KCNIP4: variants seen among roughly 807,000 people sequenced by gnomAD.
KCNIP4 encodes potassium voltage-gated channel interacting protein 4.
A neutral mutation model predicts 34.0 loss-of-function variants in KCNIP4; 12 were observed. The ratio of observed to expected loss-of-function variants is 0.35; its 90% confidence interval spans 0.23 to 0.57. The LOEUF is 0.57. KCNIP4 is among the 20% of genes least tolerant of loss of function. The pLI is 0.83. For synonymous variants in KCNIP4, 124 were observed against 102.2 expected, an observed-to-expected ratio of 1.21 and a Z score of -1.29; for missense variants, 238 against 311.7, an observed-to-expected ratio of 0.76 and a Z score of 1.78.
chr4:21,878,942 CACTT>C (rs1326391315), intron 1 of KCNIP4, among the ~76,000 whole-genome samples: 1 of 152,142 alleles, frequency 6.6e-6, no homozygotes, highest in Non-Finnish European at 1.5e-5. Flanking sequence ...GCAATACTTT[CACTT>C]ACTTATGATG....
chr4:20,846,598 C>A (rs1342486462), intron 3 of KCNIP4, among the ~76,000 whole-genome samples: 2 of 152,030 alleles, frequency 1.3e-5, no homozygotes, highest in African/African-American at 4.8e-5. Flanking sequence ...AACATCATCC[C>A]AGTTAACTGA....
intron 1 of KCNIP4, among the ~76,000 whole-genome samples, chr4:21,869,391 A>T (rs1332333192): frequency 6.6e-6 from 1 of 152,098 alleles, no homozygotes; most frequent in Non-Finnish European, 1.5e-5. Flanking sequence ...TCCAAAACAA[A>T]ACCGAATCTA....
intron 1 of KCNIP4, among the ~76,000 whole-genome samples, chr4:21,695,793 C>G (rs570653507): frequency 6.6e-6 from 1 of 152,062 alleles, no homozygotes; most frequent in Non-Finnish European, 1.5e-5. Context: ...CCATGGAAAC[C>G]TCATGGAAAG....
chr4:21,343,910 C>T (rs981177265), intron 1 of KCNIP4, among the ~76,000 whole-genome samples: 4 of 152,020 alleles, frequency 2.6e-5, no homozygotes, highest in Non-Finnish European at 4.4e-5. Context: ...AACCACACTC[C>T]GAGGTAGATG....
chr4:21,723,942 C>T (rs1344617019), intron 1 of KCNIP4, among the ~76,000 whole-genome samples: 2 of 152,024 alleles, frequency 1.3e-5, no homozygotes, highest in Non-Finnish European at 2.9e-5. Flanking sequence ...GCACATTCCT[C>T]AGCCAATTTT....
intron 1 of KCNIP4, among the ~76,000 whole-genome samples, chr4:21,804,306 A>G (rs1721172354): frequency 6.6e-6 from 1 of 152,180 alleles, no homozygotes; most frequent in Non-Finnish European, 1.5e-5. Context: ...TTTGTTTGTG[A>G]TCAGACATGA....
chr4:21,141,751 A>C (rs1751968176), intron 1 of KCNIP4, among the ~76,000 whole-genome samples: 1 of 152,212 alleles, frequency 6.6e-6, no homozygotes, highest in Non-Finnish European at 1.5e-5. Flanking sequence ...GTAAATCTGC[A>C]TCCATTCAAC....
chr4:21,235,803 A>G (rs1759314199), intron 1 of KCNIP4, among the ~76,000 whole-genome samples: 1 of 152,174 alleles, frequency 6.6e-6, no homozygotes, highest in Admixed American at 6.6e-5. Flanking sequence ...TCAACTGGCT[A>G]TGGAAAGTGC....
rs779473449 is a variant in KCNIP4, at chr4:20,803,727, G to GGAAGGAAGGAAGGA, written c.289-44838_289-44837insTCCTTCCTTCCTTC. 8.7e-3 allele frequency among the ~76,000 whole-genome samples: 793 copies of GGAAGGAAGGAAGGA among 91,238 alleles called. 8 individuals are homozygous for GGAAGGAAGGAAGGA. Among genetic ancestry groups the GGAAGGAAGGAAGGA allele is most frequent in the East Asian group, 0.08 (208 of 2,594 alleles). The allele number at this position is 91,238 out of a possible 152,430, so 59.9% of individuals were successfully genotyped here. On this transcript the variant is annotated intron_variant, in intron 3 of 8. Coordinates refer to ENST00000382152, the MANE Select transcript of KCNIP4 (RefSeq NM_025221.6). ...AAAGAGAGAGAGAGAGAGAGAGAGA[G>GGAAGGAAGGAAGGA]AGGAAGGAAGGAAGGAAGGAAGGAA...
intron 1 of KCNIP4, among the ~76,000 whole-genome samples, chr4:21,496,840 T>TCTAA (rs1560460998): frequency 2.0e-5 from 3 of 152,158 alleles, no homozygotes; most frequent in Admixed American, 2.0e-4. Flanking sequence ...CTTATAAGAA[T>TCTAA]CTAATGCCTG....
chr4:21,187,109 G>A (rs1755290948), intron 1 of KCNIP4, among the ~76,000 whole-genome samples: 1 of 152,136 alleles, frequency 6.6e-6, no homozygotes. Context: ...ATAGCAAGAA[G>A]TAATTCATTT....
intron 1 of KCNIP4, among the ~76,000 whole-genome samples, chr4:21,734,361 A>G (rs1715832659): frequency 6.6e-6 from 1 of 152,154 alleles, no homozygotes; most frequent in South Asian, 2.1e-4. Context: ...TAAAAAATGT[A>G]CAAAACAGAT....
chr4:21,094,615 C>A (rs1481956439), intron 1 of KCNIP4, among the ~76,000 whole-genome samples: 1 of 152,142 alleles, frequency 6.6e-6, no homozygotes, highest in South Asian at 2.1e-4. Flanking sequence ...GGGGGTCTCA[C>A]ATTGACTTGT....
chr4:20,924,625 A>G (rs534220340), intron 1 of KCNIP4, among the ~76,000 whole-genome samples: 134 of 152,318 alleles, frequency 8.8e-4, no homozygotes, highest in African/African-American at 3.2e-3. Context: ...TGTAAACTAT[A>G]ATGTCCTCAT....
In KCNIP4 at chr4:21,270,986, C is replaced by CA. The variant is rs370059673; in HGVS notation, c.62-388278dup. 4.2e-3 allele frequency among the ~76,000 whole-genome samples: 464 copies of CA among 111,312 alleles called. 2 individuals are homozygous for CA. The highest frequency in any genetic ancestry group is 0.011 in the Middle Eastern group (2 of 190). The allele number at this position is 111,312 out of a possible 152,430, so 73.0% of individuals were successfully genotyped here. On this transcript the variant is annotated intron_variant, in intron 1 of 8. Coordinates refer to ENST00000382152, the MANE Select transcript of KCNIP4 (RefSeq NM_025221.6). ...GGTCAACAGATCAAGTCCCTGTCCC[C>CA]AAAAAAAAAAAAAAAAAAGATTGTA...
chr4:21,947,491 T>C (rs891641819), intron 1 of KCNIP4, among the ~76,000 whole-genome samples: 2 of 152,162 alleles, frequency 1.3e-5, no homozygotes, highest in Non-Finnish European at 2.9e-5. Context: ...ACCTTAACTA[T>C]TGGAGTGAGG....
chr4:21,935,479 T>C (rs1397349503), intron 1 of KCNIP4, among the ~76,000 whole-genome samples: 1 of 152,034 alleles, frequency 6.6e-6, no homozygotes, highest in Admixed American at 6.6e-5. Flanking sequence ...CCTACACATT[T>C]ATTCATGCCT....
At chr4:21,263,933 G>C (rs971878249) in intron 1 of KCNIP4, among the ~76,000 whole-genome samples, 1 of 152,094 alleles carries the variant, frequency 6.6e-6, no homozygotes, top group African/African-American at 2.4e-5. Flanking sequence ...GGGATTACAG[G>C]TGTGAGCCAC....
chr4:21,890,830 T>C (rs932092983), intron 1 of KCNIP4, among the ~76,000 whole-genome samples: 1 of 152,076 alleles, frequency 6.6e-6, no homozygotes, highest in Non-Finnish European at 1.5e-5. Context: ...GATGGTACAA[T>C]GTCCAAGAAG....
Sources: allele counts gnomAD v4.1 joint callset (sites outside exome capture counted in the v4.1 genomes callset), GRCh38; gene constraint gnomAD v4.1.1; transcripts MANE v1.5; gene names NCBI Gene and HGNC (gene_info 2026-07-23, HGNC 2026-07-21).